The following AFG1L variants were observed in gnomAD, a reference collection of about 807,000 sequenced individuals.
AFG1L encodes AFG1 like ATPase.
Under a neutral mutation model 62.2 loss-of-function variants are expected in AFG1L, and 53 were observed. The observed-to-expected ratio is 0.85, with a 90% CI of 0.68 to 1.07. The LOEUF (loss-of-function observed/expected upper bound fraction) is 1.07, where lower values mean the gene tolerates loss of function less well. Ranked by LOEUF, AFG1L falls within the 50% of genes least tolerant of loss-of-function variation. The pLI is 0.00. For synonymous variants in AFG1L, 228 were observed against 210.3 expected (o/e 1.08, Z -0.73); for missense variants, 555 against 590.5 (o/e 0.94, Z 0.62).
At chr6:108,351,181 G>A (rs867063508) in intron 3 of AFG1L, among the ~76,000 whole-genome samples, 19 of 152,176 alleles carry the variant, frequency 1.2e-4, no homozygotes, top group South Asian at 1.0e-3. Flanking sequence ...GGACATTTCT[G>A]TATACTACTT....
chr6:108,522,225 T>C (rs1332862819), intron 12 of AFG1L, 72 bp from the exon 13 acceptor site: 4 of 1,485,658 alleles, frequency 2.7e-6, no homozygotes, highest in Admixed American at 3.9e-5. Context: ...AAAGTTTTTT[T>C]AAACCTATAC....
chr6:108,364,864 C>CA (rs1562110488), intron 5 of AFG1L, among the ~76,000 whole-genome samples: 8,287 of 84,146 alleles, frequency 0.098, 811 homozygotes, highest in South Asian at 0.22. Context: ...CCTGAGACAG[C>CA]CAAAAAAAAA....
At chr6:108,368,894 G>T (rs1189970979) in intron 6 of AFG1L, among the ~76,000 whole-genome samples, 1 of 152,146 alleles carries the variant, frequency 6.6e-6, no homozygotes, top group African/African-American at 2.4e-5. Context: ...AGGGTAGCCT[G>T]CAGAAATCTG....
chr6:108,465,427 A>C (rs1273163184), intron 8 of AFG1L, among the ~76,000 whole-genome samples: 2 of 152,138 alleles, frequency 1.3e-5, no homozygotes, highest in African/African-American at 4.8e-5. Flanking sequence ...TATAATCTAT[A>C]TCCTTGCATA....
intron 1 of AFG1L, among the ~76,000 whole-genome samples, chr6:108,306,823 A>G (rs1020799190): frequency 6.6e-6 from 1 of 152,126 alleles, no homozygotes; most frequent in Non-Finnish European, 1.5e-5. Context: ...ATCACAATAT[A>G]TTCCTTCAAG....
intron 10 of AFG1L, among the ~76,000 whole-genome samples, chr6:108,485,131 G>A (rs1773488554): frequency 1.3e-5 from 2 of 152,054 alleles, no homozygotes; most frequent in Non-Finnish European, 2.9e-5. Flanking sequence ...CACATAGTGG[G>A]GCTGGACAAT....
chr6:108,331,752 A>G (rs1488578824), intron 2 of AFG1L, among the ~76,000 whole-genome samples: 1 of 152,206 alleles, frequency 6.6e-6, no homozygotes, highest in Non-Finnish European at 1.5e-5. Context: ...CAAATCAAGC[A>G]TTTCCAGAGT....
chr6:108,515,766 A>C (rs1415330212), intron 11 of AFG1L, among the ~76,000 whole-genome samples: 3 of 152,224 alleles, frequency 2.0e-5, no homozygotes, highest in Non-Finnish European at 4.4e-5. Flanking sequence ...AGACTAATAA[A>C]GAAGAAAAGA....
chr6:108,513,448 G>C (rs1016536862), intron 11 of AFG1L, among the ~76,000 whole-genome samples: 5 of 152,200 alleles, frequency 3.3e-5, no homozygotes, highest in Non-Finnish European at 7.3e-5. Flanking sequence ...CTTAGCAAAC[G>C]GCACACCAGG....
intron 11 of AFG1L, among the ~76,000 whole-genome samples, chr6:108,517,236 T>C (rs1458125939): frequency 2.6e-5 from 4 of 152,196 alleles, no homozygotes; most frequent in Non-Finnish European, 5.9e-5. Context: ...GGCATCACAC[T>C]ACCTGACTTC....
chr6:108,433,306 G>GTC (rs1405079360), intron 7 of AFG1L, among the ~76,000 whole-genome samples: 32 of 151,954 alleles, frequency 2.1e-4, no homozygotes, highest in Admixed American at 2.0e-4. Context: ...GAGAGACAGA[G>GTC]TCTTGCTCAG....
At chr6:108,353,760 A>G (rs1582423299) in intron 3 of AFG1L, among the ~76,000 whole-genome samples, 1 of 152,332 alleles carries the variant, frequency 6.6e-6, no homozygotes, top group African/African-American at 2.4e-5. Context: ...CTGGGTAAAT[A>G]TAATTATTTA....
intron 2 of AFG1L, among the ~76,000 whole-genome samples, chr6:108,343,711 A>G (rs776672490): frequency 1.3e-5 from 2 of 152,240 alleles, no homozygotes; most frequent in Admixed American, 6.5e-5. Flanking sequence ...AATGGTTCAT[A>G]TAAGAAACAA....
chr6:108,443,973 C>A (rs576311662), intron 7 of AFG1L, among the ~76,000 whole-genome samples: 31 of 152,088 alleles, frequency 2.0e-4, no homozygotes, highest in African/African-American at 7.2e-4. Context: ...ATTTTGAATG[C>A]AAACAAAATG....
chr6:108,334,555 A>C (rs1335364642), intron 2 of AFG1L, among the ~76,000 whole-genome samples: 1 of 106,024 alleles, frequency 9.4e-6, no homozygotes, highest in Non-Finnish European at 2.3e-5. Flanking sequence ...AATTAAAAAA[A>C]AAACAAATAG....
chr6:108,493,528 A>C (rs993475955), intron 10 of AFG1L, among the ~76,000 whole-genome samples: 1 of 152,180 alleles, frequency 6.6e-6, no homozygotes, highest in East Asian at 1.9e-4. Context: ...TCTGAGCTAC[A>C]CTAGCTCATT....
intron 2 of AFG1L, among the ~76,000 whole-genome samples, chr6:108,324,692 C>CTT (rs1326027860): frequency 5.2e-5 from 7 of 134,680 alleles, no homozygotes; most frequent in East Asian, 2.1e-4. Context: ...CCTTTCAGGA[C>CTT]TTTTTTTTTT....
chr6:108,362,224 A>G (rs774915214), intron 5 of AFG1L, among the ~76,000 whole-genome samples: 2 of 152,224 alleles, frequency 1.3e-5, no homozygotes, highest in African/African-American at 2.4e-5. Context: ...AATTGAATAC[A>G]TAAAAAATGG....
chr6:108,348,217 G>A (rs1187616531), intron 3 of AFG1L, among the ~76,000 whole-genome samples: 3 of 151,972 alleles, frequency 2.0e-5, no homozygotes, highest in Non-Finnish European at 2.9e-5. Context: ...TAGCTGGGAC[G>A]ACAGGTGTCT....
Sources: allele counts gnomAD v4.1 joint callset (sites outside exome capture counted in the v4.1 genomes callset), GRCh38; gene constraint gnomAD v4.1.1; transcripts MANE v1.5; gene names NCBI Gene and HGNC (gene_info 2026-07-23, HGNC 2026-07-21).